The following RYR2 variants were observed in gnomAD, a reference collection of about 807,000 sequenced individuals.
RYR2 encodes the protein ryanodine receptor 2, also known as cardiac muscle ryanodine receptor-calcium release channel.
RYR2 carries 227 observed loss-of-function variants against 601.1 expected under a neutral mutation model. The observed-to-expected ratio is 0.38, with a 90% CI of 0.34 to 0.42. The LOEUF is 0.42. RYR2 is among the 10% of genes least tolerant of loss of function. RYR2 has a pLI of 1.00. For synonymous variants in RYR2, 2,223 were observed against 2,175.1 expected (o/e 1.02, Z -0.61); for missense variants, 4,646 against 6,156.5 (o/e 0.75, Z 8.21).
At chr1:237,491,707 T>C in intron 17 of RYR2, 99 bp from the exon 18 acceptor site, 2 of 653,266 alleles carry the variant, frequency 3.1e-6, no homozygotes, top group Non-Finnish European at 5.6e-6. Context: ...GATAATTACA[T>C]GTTGTACTGA....
Position 237,667,941 on chromosome 1 carries a change from T to C in RYR2, c.8573T>C (p.Met2858Thr). ...AATATATGGGCAAAGAAAAAGAAAATGGAGTTGGAGTCCAAAGGTAATATT... is the reference window on the plus strand; with the variant it reads ...AATATATGGGCAAAGAAAAAGAAAACGGAGTTGGAGTCCAAAGGTAATATT... ...YHNIWAKKKK[M>T]ELESKGGGNH... The change falls in exon 58 of 105, where the codon ATG (methionine) becomes ACG (threonine). Residue 2858 changes from methionine to threonine, a missense_variant. By Grantham distance (81) the Met-to-Thr change is moderately conservative (BLOSUM62 -1). Coordinates refer to ENST00000366574, the MANE Select transcript of RYR2 (RefSeq NM_001035.3). 1 of 1,576,592 alleles carries C rather than the reference T, an allele frequency of 6.3e-7. No individual in the cohort carries two copies. The highest frequency in any genetic ancestry group is 1.4e-5 in the African/African-American group (1 of 73,978).
intron 16 of RYR2, among the ~76,000 whole-genome samples, chr1:237,465,395 A>G (rs896885952): frequency 6.6e-6 from 1 of 152,152 alleles, no homozygotes; most frequent in African/African-American, 2.4e-5. Flanking sequence ...GATTTATAAG[A>G]GTTCCTCTTG....
At chr1:237,250,928 T>A (rs1687394903) in intron 1 of RYR2, among the ~76,000 whole-genome samples, 1 of 152,132 alleles carries the variant, frequency 6.6e-6, no homozygotes, top group African/African-American at 2.4e-5. Context: ...CAGATTATGT[T>A]AGCAGAGGGA....
At chr1:237,706,651 A>G (rs1688406372) in intron 67 of RYR2, among the ~76,000 whole-genome samples, 1 of 152,182 alleles carries the variant, frequency 6.6e-6, no homozygotes, top group Admixed American at 6.5e-5. Context: ...GGAGCCAGTC[A>G]TAAATGGCTT....
At chr1:237,647,740 T>A (rs1308747188) in intron 48 of RYR2, among the ~76,000 whole-genome samples, 1 of 152,208 alleles carries the variant, frequency 6.6e-6, no homozygotes, top group Non-Finnish European at 1.5e-5. Context: ...AATTATCATG[T>A]GGTCAAACAG....
chr1:237,305,575 G>A (rs938486995), intron 2 of RYR2, among the ~76,000 whole-genome samples: 1 of 152,082 alleles, frequency 6.6e-6, no homozygotes, highest in Admixed American at 6.5e-5. Context: ...GAAACTACAG[G>A]CATGCGCCAC....
chr1:237,432,286 A>G (rs1706899982), intron 12 of RYR2, among the ~76,000 whole-genome samples: 1 of 152,122 alleles, frequency 6.6e-6, no homozygotes. Context: ...TCTTAAATAT[A>G]TATGCATCTC....
rs1388384997 is a variant in RYR2, at chr1:237,625,776, A to G, written c.6138A>G (p.Lys2046=). 3 of 1,613,682 alleles carry G rather than the reference A, an allele frequency of 1.9e-6. No individual in the cohort carries two copies. The highest frequency in any genetic ancestry group is 1.1e-5 in the South Asian group (1 of 91,076). The part of the protein sequence containing the change: ...VTYLKKKQAE[K]PVESDSKKSS... ...ATCTGAAGAAGAAGCAAGCAGAAAA[A>G]CCAGTTGAGAGTGACTCCAAAAAGT... Residue 2046 remains lysine, a synonymous_variant, in exon 40 of 105, where the codon AAA becomes AAG. Transcript: ENST00000366574.
chr1:237,439,643 CA>C (rs879854481), intron 12 of RYR2, among the ~76,000 whole-genome samples: 180 of 134,712 alleles, frequency 1.3e-3, no homozygotes, highest in Middle Eastern at 4.0e-3. Flanking sequence ...GACTCCATCT[CA>C]AAAAAAAAAA....
chr1:237,639,998 C>G (rs770722474), intron 46 of RYR2, among the ~76,000 whole-genome samples: 20 of 141,162 alleles, frequency 1.4e-4, no homozygotes, highest in Non-Finnish European at 2.6e-4. Flanking sequence ...ACTCCTAGAG[C>G]AAGAATGAGC....
chr1:237,510,947 G>T (rs1665827707), intron 23 of RYR2, among the ~76,000 whole-genome samples: 1 of 152,156 alleles, frequency 6.6e-6, no homozygotes, highest in Non-Finnish European at 1.5e-5. Flanking sequence ...AGGGTGATTT[G>T]TGAGATCAGG....
At chr1:237,237,456 G>A (rs544795297) in intron 1 of RYR2, among the ~76,000 whole-genome samples, 2 of 152,198 alleles carry the variant, frequency 1.3e-5, no homozygotes, top group Non-Finnish European at 2.9e-5. Context: ...ATGAAAAGAA[G>A]TGGAATTGGA....
At chr1:237,270,411 A>G in intron 1 of RYR2, 86 bp from the exon 2 acceptor site, 1 of 1,520,124 alleles carries the variant, frequency 6.6e-7, no homozygotes, top group Non-Finnish European at 8.9e-7. Context: ...AAAATGCACT[A>G]AAATAATGTT....
At chr1:237,584,657 T>G (rs925604860) in intron 29 of RYR2, among the ~76,000 whole-genome samples, 2 of 135,678 alleles carry the variant, frequency 1.5e-5, no homozygotes, top group Admixed American at 7.6e-5. Flanking sequence ...CTGTTTTTTT[T>G]TTTTTTTTTT....
At chr1:237,659,922 C>A in intron 54 of RYR2, 63 bp from the exon 55 acceptor site, 2 of 1,047,310 alleles carry the variant, frequency 1.9e-6, no homozygotes, top group East Asian at 2.7e-5. Flanking sequence ...TAAACACCTG[C>A]ATATCTACAA....
At chr1:237,803,769 T>C (rs1660288970) in intron 98 of RYR2, among the ~76,000 whole-genome samples, 1 of 152,134 alleles carries the variant, frequency 6.6e-6, no homozygotes, top group Admixed American at 6.5e-5. Flanking sequence ...TCATATGGAC[T>C]CCTCCTCTTC....
At chr1:237,304,343 A>C (rs1345236949) in intron 2 of RYR2, among the ~76,000 whole-genome samples, 1 of 152,200 alleles carries the variant, frequency 6.6e-6, no homozygotes, top group East Asian at 1.9e-4. Context: ...AAGTGACAAT[A>C]ATAATTCTAT....
At chr1:237,636,680 A>T (rs904580546) in intron 44 of RYR2, among the ~76,000 whole-genome samples, 1 of 152,190 alleles carries the variant, frequency 6.6e-6, no homozygotes, top group East Asian at 1.9e-4. Context: ...ACTGCTAACA[A>T]TTTACCCAGT....
At chr1:237,267,940 T>C (rs1689232709) in intron 1 of RYR2, among the ~76,000 whole-genome samples, 1 of 152,174 alleles carries the variant, frequency 6.6e-6, no homozygotes, top group African/African-American at 2.4e-5. Flanking sequence ...TCTAGATATG[T>C]GTGGGTCCTC....
Sources: gnomAD v4.1 joint callset for allele counts (sites outside exome capture counted in the v4.1 genomes callset) on GRCh38, gnomAD v4.1.1 for gene constraint, MANE v1.5 for transcripts, NCBI Gene and HGNC (gene_info 2026-07-23, HGNC 2026-07-21) for gene names.